Variants in CIDEB observed in about 807,000 individuals in gnomAD.
CIDEB encodes the protein lipid transferase CIDEB.
In CIDEB, 27 loss-of-function variants were observed where a neutral mutation model predicts 22.4. The ratio of observed to expected loss-of-function variants is 1.21; its 90% CI spans 0.89 to 1.66. The LOEUF is 1.66. Among genes scored for constraint, CIDEB ranks in the 40% most tolerant of loss-of-function variants. CIDEB has a pLI of 0.00. For synonymous variants in CIDEB, 103 were observed against 109.5 expected, an observed-to-expected ratio of 0.94 and a Z score of 0.37; for missense variants, 289 against 268.7, an observed-to-expected ratio of 1.08 and a Z score of -0.53.
At chr14:24,310,526 C>A, upstream of CIDEB, 2 of 941,876 alleles carry the variant, frequency 2.1e-6, no homozygotes, top group Non-Finnish European at 3.4e-6. Context: ...GAAGTCAGGA[C>A]TCCCAGGCAG....
In CIDEB at chr14:24,305,288, C is replaced by G. The variant is rs540237841; in HGVS notation, c.*345G>C. ...AGGTAAAGTCAGAGAGGGCTGTCAT[C>G]AGTATGCTGGGGAGTTTAGGGACAG... On this transcript the variant is annotated 3_prime_UTR_variant, in exon 5 of 5. Transcript: ENST00000554411. 53 of 622,760 alleles carry G rather than the reference C, an allele frequency of 8.5e-5. No homozygotes were observed. The Admixed American group carries it at 1.6e-3, about 19-fold the overall frequency. 38.6% of individuals were successfully genotyped at this position (622,760 alleles called of 1,614,324 possible).
Position 24,305,557 on chromosome 14 carries a change from T to C in CIDEB, c.*76A>G, listed in dbSNP as rs770097391. 137 of 1,538,554 alleles carry C rather than the reference T, an allele frequency of 8.9e-5. No homozygotes were observed. The highest frequency in any genetic ancestry group is 1.1e-4 in the Non-Finnish European group (131 of 1,140,618). ...TTATCTAGCCTGTACTGTCTGCAGG[T>C]CCTGAAATTTGATGCTGTCATAGTC... On this transcript the variant is annotated 3_prime_UTR_variant, in exon 5 of 5. Transcript: ENST00000554411.
upstream of CIDEB, chr14:24,311,397 C>T (rs750887385): frequency 1.9e-5 from 31 of 1,602,298 alleles, no homozygotes; most frequent in African/African-American, 2.7e-5. Flanking sequence ...CGCAGTCAAC[C>T]TTCTGCAGGC....
rs1428786355 is a variant in CIDEB at position 24,305,202 on chromosome 14, T to C, written c.*431A>G. 8.7e-7 allele frequency: 1 copy of C among 1,149,994 alleles called. No individual in the cohort carries two copies. Among genetic ancestry groups the C allele is most frequent in the Non-Finnish European group, 1.2e-6 (1 of 863,556 alleles). 71.2% of individuals were successfully genotyped at this position (1,149,994 alleles called of 1,614,324 possible). The stretch of plus-strand genomic sequence containing the variant: ...GTCAGAAGTCTTAGTGGTAAATATT[T>C]GATATTTTTATTGGAAATGTTTTTG... On this transcript the variant is annotated 3_prime_UTR_variant, in exon 5 of 5. Coordinates refer to ENST00000554411, the MANE Select transcript of CIDEB (RefSeq NM_001393339.1).
At chr14:24,306,779 T>G in intron 2 of CIDEB, 1 of 513,226 alleles carries the variant, frequency 1.9e-6, no homozygotes, top group Non-Finnish European at 3.5e-6. Context: ...AAGTCACTTC[T>G]GGTTTGGAAT....
In CIDEB at chr14:24,307,516, C is replaced by G. The variant is rs774670157; in HGVS notation, c.42-1G>C. On this transcript the variant is annotated splice_acceptor_variant, in intron 1 of 4. Coordinates refer to ENST00000554411, the MANE Select transcript of CIDEB (RefSeq NM_001393339.1). LOFTEE classifies it high-confidence loss of function. ...CTCCGAGCTTATATTAGATACTGAC[C>G]TGGTAGTTGAGAAGAAAAGTCAAGA... The G allele has an allele frequency of 5.0e-6, 8 of 1,612,180 alleles. No homozygotes were observed. The highest frequency in any genetic ancestry group is 3.3e-5 in the Admixed American group (2 of 59,770).
chr14:24,308,913 G>A (rs1207057379), upstream of CIDEB: 1 of 152,204 alleles, frequency 6.6e-6, no homozygotes, highest in Non-Finnish European at 1.5e-5. Context: ...CCAAGCCAGA[G>A]CCTTGAAAAG....
Position 24,306,115 on chromosome 14 carries a change from A to G in CIDEB, c.359T>C (p.Leu120Pro). ...PTRSGVLSYG[L>P]GRERPKHSKD... Reference sequence around the variant, plus strand: ...GCTGTGCTTGGGCCTCTCCCGTCCCAGGCCATATGACAGCACTCCACTCTG... The same window carrying G: ...GCTGTGCTTGGGCCTCTCCCGTCCCGGGCCATATGACAGCACTCCACTCTG... Residue 120 changes from leucine (L) to proline (P), a missense_variant, in exon 4 of 5, where the codon CTG becomes CCG. Transcript: ENST00000554411. The G allele has an allele frequency of 6.2e-7, 1 of 1,613,974 alleles. No homozygotes were observed. Among genetic ancestry groups the G allele is most frequent in the East Asian group, 2.2e-5 (1 of 44,884 alleles).
chr14:24,311,045 C>G (rs1216984404), upstream of CIDEB: 1 of 1,576,894 alleles, frequency 6.3e-7, no homozygotes. Context: ...CCCGCCCCTT[C>G]CTGGCGCCTC....
In CIDEB at chr14:24,306,016, T is replaced by C. The variant is rs748425182; in HGVS notation, c.458A>G (p.Lys153Arg). 2 of 1,614,074 alleles carry C rather than the reference T, an allele frequency of 1.2e-6. No individual in the cohort carries two copies. Among genetic ancestry groups the C allele is most frequent in the East Asian group, 2.2e-5 (1 of 44,896 alleles). The change falls in exon 4 of 5, where the codon AAA (lysine) becomes AGA (arginine). Residue 153 changes from lysine to arginine, a missense_variant. Coordinates refer to ENST00000554411, the MANE Select transcript of CIDEB (RefSeq NM_001393339.1). Reference protein sequence around the residue: ...PRDLFGSLNVKATFYGLYSMS... With the variant: ...PRDLFGSLNVRATFYGLYSMS... ...AGAGTAGAGCCCGTAGAATGTGGCT[T>C]TGACATTCAGGCTGCCAAAGAGGTC...
upstream of CIDEB, chr14:24,310,868 C>G: frequency 6.3e-7 from 1 of 1,591,548 alleles, no homozygotes; most frequent in South Asian, 1.1e-5. Flanking sequence ...CGCTGGCCGA[C>G]GGCGCGGTGC....
At chr14:24,311,002 G>C, upstream of CIDEB, 2 of 1,586,728 alleles carry the variant, frequency 1.3e-6, no homozygotes, top group Non-Finnish European at 1.7e-6. Context: ...CTGCTCACCG[G>C]CCTGCTCAGC....
At chr14:24,307,597 G>T in intron 1 of CIDEB, 82 bp from the exon 2 acceptor site, 2 of 1,486,414 alleles carry the variant, frequency 1.3e-6, no homozygotes, top group South Asian at 1.2e-5. Flanking sequence ...AGAGTGGCTA[G>T]AGGGCTAGGG....
At position 24,305,433 on chromosome 14, in the gene CIDEB, C is replaced by G. The variant is rs1384531099; in HGVS notation, c.*200G>C. ...GGCCAGAAAGGTGGCTAGGAAAGAACAGCATTCTTCAGGTAAGGGTATAGA... is the reference window on the plus strand; with the variant it reads ...GGCCAGAAAGGTGGCTAGGAAAGAAGAGCATTCTTCAGGTAAGGGTATAGA... On this transcript the variant is annotated 3_prime_UTR_variant, in exon 5 of 5. Transcript: ENST00000554411. 1.2e-5 allele frequency: 8 copies of G among 656,028 alleles called. No homozygotes were observed. Among genetic ancestry groups the G allele is most frequent in the African/African-American group, 1.1e-4 (6 of 54,696 alleles). 40.6% of individuals were successfully genotyped at this position (656,028 alleles called of 1,614,324 possible).
intron 3 of CIDEB, 84 bp downstream of exon 3, chr14:24,306,290 C>T: frequency 6.3e-7 from 1 of 1,574,822 alleles, no homozygotes; most frequent in Non-Finnish European, 8.7e-7. Flanking sequence ...ACCTGGTCCC[C>T]AGGATCAGGG....
chr14:24,311,212 G>A (rs940046681), upstream of CIDEB: 3 of 1,609,058 alleles, frequency 1.9e-6, no homozygotes, highest in African/African-American at 1.3e-5. Flanking sequence ...GCCCACCTGA[G>A]CCTGGAGACT....
chr14:24,310,196 C>A (rs1411825451), upstream of CIDEB: 1 of 383,304 alleles, frequency 2.6e-6, no homozygotes, highest in Non-Finnish European at 4.8e-6. Context: ...AGGCACCTCG[C>A]CTACTGCTGC....
At position 24,305,766 on chromosome 14, in the gene CIDEB, C is replaced by T. The variant is rs755893059; in HGVS notation, c.528-1G>A. 5 of 1,613,016 alleles carry T rather than the reference C, an allele frequency of 3.1e-6. No individual in the cohort carries two copies. Among genetic ancestry groups the T allele is most frequent in the East Asian group, 2.2e-5 (1 of 44,884 alleles). ...TGTGGAGGTCCAACGAAGGAGCTCC[C>T]TGAATGGCAGAGACAAGAGGAAATC... On this transcript the variant is annotated splice_acceptor_variant, in intron 4 of 4. Transcript: ENST00000554411. LOFTEE classifies it high-confidence loss of function.
At chr14:24,310,939 C>A, upstream of CIDEB, 1 of 1,590,980 alleles carries the variant, frequency 6.3e-7, no homozygotes. Flanking sequence ...CTGGGCCAGG[C>A]GGGCTGCAAG....
Sources: gnomAD v4.1 joint callset for allele counts on GRCh38, gnomAD v4.1.1 for gene constraint, MANE v1.5 for transcripts, NCBI Gene and HGNC (gene_info 2026-07-23, HGNC 2026-07-21) for gene names.